BLTP2: variants seen among roughly 807,000 people sequenced by gnomAD.
BLTP2 encodes bridge-like lipid transfer protein family member 2.
At chr17:28,641,894 C>T in the BLTP2 span, 4 of 1,606,176 alleles carry the variant, frequency 2.5e-6, no homozygotes, top group African/African-American at 5.3e-5. Context: ...TTTACCTGAA[C>T]AGGGAACAGG....
the BLTP2 span, chr17:28,645,012 C>T: frequency 2.5e-6 from 4 of 1,596,950 alleles, no homozygotes; most frequent in Admixed American, 1.7e-5. Flanking sequence ...GGGCGCTAAG[C>T]GCAACTAGCA....
chr17:28,628,717 G>T, the BLTP2 span, among the ~76,000 whole-genome samples: 1 of 152,132 alleles, frequency 6.6e-6, no homozygotes, highest in Non-Finnish European at 1.5e-5. Context: ...GGCAAATCAC[G>T]AGATCAGGAG....
At chr17:28,644,280 T>C in the BLTP2 span, 1 of 1,365,172 alleles carries the variant, frequency 7.3e-7, no homozygotes, top group Non-Finnish European at 1.0e-6. Context: ...CAAAAGGTCG[T>C]TCCTGAAACT....
At chr17:28,621,474 G>GC in the BLTP2 span, 1 of 1,614,126 alleles carries the variant, frequency 6.2e-7, no homozygotes, top group Non-Finnish European at 8.5e-7. Flanking sequence ...AGACTACGCT[G>GC]CCGGTGCTCC....
At chr17:28,616,334 C>T in the BLTP2 span, 10 of 1,613,778 alleles carry the variant, frequency 6.2e-6, no homozygotes, top group Non-Finnish European at 8.5e-6. The surrounding 1 kb of genome is among the most constrained non-coding windows in gnomAD (Gnocchi z 4.8). Flanking sequence ...CAAACAGGAC[C>T]TCAAGACTCT....
the BLTP2 span, chr17:28,621,092 T>C: frequency 8.1e-6 from 13 of 1,614,178 alleles, no homozygotes; most frequent in Non-Finnish European, 1.1e-5. Flanking sequence ...GTAACTAATA[T>C]AGTACATTCG....
chr17:28,632,880 C>T, the BLTP2 span: 4 of 1,286,720 alleles, frequency 3.1e-6, no homozygotes, highest in East Asian at 2.5e-5. Flanking sequence ...AGCTAAAGTC[C>T]CCAGCATCCA....
the BLTP2 span, chr17:28,644,979 G>A: frequency 4.5e-6 from 7 of 1,570,246 alleles, 1 homozygote; most frequent in East Asian, 2.4e-5. Context: ...GCGCGGCCGG[G>A]AACCCTCACC....
At chr17:28,627,865 T>C in the BLTP2 span, among the ~76,000 whole-genome samples, 1 of 152,138 alleles carries the variant, frequency 6.6e-6, no homozygotes, top group Non-Finnish European at 1.5e-5. Context: ...TTTGCCATGT[T>C]GGCCAGGCTG....
the BLTP2 span, chr17:28,634,726 T>C: frequency 6.2e-7 from 1 of 1,614,168 alleles, no homozygotes; most frequent in South Asian, 1.1e-5. Flanking sequence ...TGTGTTGCCA[T>C]AGAGACGACG....
At chr17:28,620,061 G>A in the BLTP2 span, 3 of 1,546,162 alleles carry the variant, frequency 1.9e-6, no homozygotes, top group Non-Finnish European at 2.6e-6. Context: ...AAGTAGACAA[G>A]TCTTGTAGTA....
the BLTP2 span, chr17:28,636,934 G>C: frequency 1.9e-5 from 30 of 1,576,476 alleles, no homozygotes; most frequent in Non-Finnish European, 2.5e-5. Context: ...GAAAAAACCA[G>C]CCTGGCCCCA....
chr17:28,636,176 G>C, the BLTP2 span, among the ~76,000 whole-genome samples: 2 of 152,236 alleles, frequency 1.3e-5, no homozygotes, highest in African/African-American at 2.4e-5. Context: ...TAAGTGGACA[G>C]AGAAAAGTAA....
At chr17:28,619,654 C>T in the BLTP2 span, 12 of 1,613,446 alleles carry the variant, frequency 7.4e-6, no homozygotes, top group Non-Finnish European at 1.0e-5. Flanking sequence ...GCTGGGGCAC[C>T]TGATGAGGAT....
chr17:28,621,207 T>G, the BLTP2 span: 1 of 1,598,864 alleles, frequency 6.3e-7, no homozygotes, highest in Non-Finnish European at 8.6e-7. Flanking sequence ...AAAAAGACAT[T>G]CTCAATAAAG....
At chr17:28,644,879 G>T in the BLTP2 span, 1 of 832,982 alleles carries the variant, frequency 1.2e-6, no homozygotes. Context: ...TACCCACTCT[G>T]CCTCACGCGC....
the BLTP2 span, chr17:28,643,685 G>T: frequency 6.2e-7 from 1 of 1,610,860 alleles, no homozygotes; most frequent in East Asian, 2.2e-5. Context: ...AGAAAGCTCT[G>T]TGTGCTAGCT....
the BLTP2 span, chr17:28,615,919 T>C: frequency 8.5e-7 from 1 of 1,181,244 alleles, no homozygotes; most frequent in Non-Finnish European, 1.2e-6. Context: ...CAGATACTGA[T>C]TTCCCCTTAC....
At chr17:28,618,943 C>T in the BLTP2 span, 3 of 1,613,972 alleles carry the variant, frequency 1.9e-6, no homozygotes, top group Non-Finnish European at 2.5e-6. Flanking sequence ...ATCTTGTTAG[C>T]CCGCTGCAGT....
Sources: allele counts gnomAD v4.1 joint callset (sites outside exome capture counted in the v4.1 genomes callset), GRCh38; gene constraint gnomAD v4.1.1; non-coding constraint Gnocchi (gnomAD v3.1); transcripts MANE v1.5; gene names NCBI Gene and HGNC (gene_info 2026-07-23, HGNC 2026-07-21).